Variants in VCAN observed in about 807,000 individuals in gnomAD.
VCAN encodes the protein versican core protein.
Under a neutral mutation model 245.5 loss-of-function variants are expected in VCAN, and 44 were observed. The observed-to-expected ratio is 0.18, with a 90% CI of 0.14 to 0.23. The LOEUF (loss-of-function observed/expected upper bound fraction) is 0.23. VCAN is among the 10% of genes least tolerant of loss of function. The pLI, the probability that VCAN is intolerant of heterozygous loss-of-function variation, is 1.00. For synonymous variants in VCAN, 1,413 were observed against 1,437.0 expected, an observed-to-expected ratio of 0.98 and a Z score of 0.38; for missense variants, 3,793 against 4,057.9, an observed-to-expected ratio of 0.93 and a Z score of 1.77.
At chr5:83,524,058 A>G (rs1348595301) in intron 7 of VCAN, among the ~76,000 whole-genome samples, 2 of 152,216 alleles carry the variant, frequency 1.3e-5, no homozygotes, top group East Asian at 3.9e-4. Flanking sequence ...TATAAAACCC[A>G]GTAAAAATGT....
At chr5:83,484,001 C>G (rs1029667438) in intron 2 of VCAN, among the ~76,000 whole-genome samples, 1 of 152,244 alleles carries the variant, frequency 6.6e-6, no homozygotes, top group East Asian at 1.9e-4. Context: ...TGTTTTTGCC[C>G]TTAGTTCCTT....
chr5:83,561,877 A>G (rs1747880211), intron 12 of VCAN, among the ~76,000 whole-genome samples: 1 of 152,176 alleles, frequency 6.6e-6, no homozygotes, highest in South Asian at 2.1e-4. Context: ...GATGTCTTGG[A>G]CATTGAAAAG....
intron 12 of VCAN, among the ~76,000 whole-genome samples, chr5:83,556,171 A>G (rs954876839): frequency 2.0e-5 from 3 of 152,168 alleles, no homozygotes; most frequent in African/African-American, 4.8e-5. Context: ...ATTCCCCACA[A>G]TAACTTTTAA....
chr5:83,478,629 G>A (rs1398769826), intron 1 of VCAN, among the ~76,000 whole-genome samples: 2 of 152,108 alleles, frequency 1.3e-5, no homozygotes, highest in East Asian at 3.9e-4. Flanking sequence ...AAATAACATG[G>A]AAAAATTGTA....
intron 5 of VCAN, 106 bp downstream of exon 5, chr5:83,494,037 C>A: frequency 6.4e-7 from 1 of 1,572,234 alleles, no homozygotes; most frequent in Admixed American, 1.7e-5. Flanking sequence ...GGATTCCAAA[C>A]GGTGGCATTT....
intron 13 of VCAN, among the ~76,000 whole-genome samples, chr5:83,578,303 G>A (rs1748549880): frequency 6.6e-6 from 1 of 152,006 alleles, no homozygotes; most frequent in Non-Finnish European, 1.5e-5. Flanking sequence ...GACACAAAGA[G>A]GGGAAAAACA....
intron 1 of VCAN, among the ~76,000 whole-genome samples, chr5:83,474,555 G>A (rs1265706073): frequency 6.6e-6 from 1 of 152,202 alleles, no homozygotes; most frequent in Non-Finnish European, 1.5e-5. Context: ...CCCGCAACGG[G>A]CGCTCCCCGC....
In VCAN at chr5:83,519,783, A is replaced by G. The variant is rs770106711; in HGVS notation, c.1477A>G (p.Ile493Val). 6.2e-7 allele frequency: 1 copy of G among 1,614,084 alleles called. No individual in the cohort carries two copies. The highest frequency in any genetic ancestry group is 1.3e-5 in the African/African-American group (1 of 74,942). Residue 493 changes from isoleucine (I) to valine (V), a missense_variant, in exon 7 of 15, where the codon ATA (isoleucine) becomes GTA (valine). Around this residue, in one of 5 missense-constraint regions of VCAN, gnomAD observed 3,182 missense variants for 3,250.3 expected, o/e 0.98. Coordinates refer to ENST00000265077, the MANE Select transcript of VCAN (RefSeq NM_004385.5). The part of the protein sequence containing the change: ...TQESVTQIEQ[I>V]EVGPLVTSME... Reference sequence around the variant, plus strand: ...AGAATCGGTTACACAGATTGAACAAATAGAAGTGGGTCCTTTGGTAACATC... The same window carrying G: ...AGAATCGGTTACACAGATTGAACAAGTAGAAGTGGGTCCTTTGGTAACATC...
chr5:83,558,156 G>A (rs1193450343), intron 12 of VCAN, among the ~76,000 whole-genome samples: 2 of 152,068 alleles, frequency 1.3e-5, no homozygotes, highest in Non-Finnish European at 2.9e-5. Flanking sequence ...CAGCCTAGGT[G>A]TCCCTTAAAC....
At chr5:83,572,861 T>TTTTATTTATTTA (rs138181383) in intron 13 of VCAN, among the ~76,000 whole-genome samples, 3 of 142,918 alleles carry the variant, frequency 2.1e-5, no homozygotes, top group Non-Finnish European at 1.5e-5. Context: ...ACCTTTTTAT[T>TTTTATTTATTTA]TTTATTTATT....
At chr5:83,514,378 A>G (rs1313504912) in intron 6 of VCAN, among the ~76,000 whole-genome samples, 1 of 152,044 alleles carries the variant, frequency 6.6e-6, no homozygotes, top group Admixed American at 6.5e-5. Context: ...CATAATGCCA[A>G]TAGTTTTCCA....
At position 83,513,147 on chromosome 5, in the gene VCAN, T is replaced by C. The variant is rs182846202; in HGVS notation, c.1042+751T>C. Among the ~76,000 whole-genome samples, 46 of 152,322 alleles carry C rather than the reference T, an allele frequency of 3.0e-4. No homozygotes were observed. In the East Asian group the frequency reaches 8.9e-3, roughly 29 times the overall value. ...GTAGTAGTCACATGATATAGTATCA[T>C]AGTTGTAGAATGCAAATTAAACAAG... On this transcript the variant is annotated intron_variant, in intron 6 of 14. Transcript: ENST00000265077.
At position 83,537,449 on chromosome 5, in the gene VCAN, G is replaced by A; in HGVS notation, c.4446G>A (p.Lys1482=). The change falls in exon 8 of 15, where the codon AAG becomes AAA. Residue 1482 remains lysine (K), a synonymous_variant. Transcript: ENST00000265077. ...CTGAGTCTCTTGAAGTTACATGGAA[G>A]CCTGAGACTTACCCTGAAACATCAG... The part of the protein sequence containing the change: ...ETTESLEVTW[K]PETYPETSEH... 1.9e-6 allele frequency: 3 copies of A among 1,613,968 alleles called. No individual in the cohort carries two copies. In the South Asian group the frequency reaches 3.3e-5, roughly 18 times the overall value.
intron 12 of VCAN, among the ~76,000 whole-genome samples, chr5:83,563,850 A>G (rs1006026356): frequency 6.6e-6 from 1 of 152,030 alleles, no homozygotes; most frequent in South Asian, 2.1e-4. Context: ...CGCTGCAGAC[A>G]TTGCATTTGT....
At position 83,540,649 on chromosome 5, in the gene VCAN, A is replaced by G; in HGVS notation, c.7646A>G (p.Lys2549Arg). 2.5e-6 allele frequency: 4 copies of G among 1,613,928 alleles called. No individual in the cohort carries two copies. Among genetic ancestry groups the G allele is most frequent in the Non-Finnish European group, 2.5e-6 (3 of 1,179,966 alleles). Residue 2549 changes from lysine (K) to arginine (R), a missense_variant, in exon 8 of 15, where the codon AAA becomes AGA. This residue lies in a region of VCAN where 3,182 missense variants were observed against 3,250.3 expected (regional missense o/e 0.98). Transcript: ENST00000265077. The stretch of plus-strand genomic sequence containing the variant: ...GAAAATATTATCATAGACCTGGACA[A>G]AGAGGACAAGGATTTAATATTGACA... Reference protein sequence around the residue: ...PTENIIIDLDKEDKDLILTIT... With the variant: ...PTENIIIDLDREDKDLILTIT...
intron 6 of VCAN, among the ~76,000 whole-genome samples, chr5:83,515,941 A>G (rs1212441685): frequency 2.0e-5 from 3 of 152,236 alleles, no homozygotes; most frequent in Non-Finnish European, 4.4e-5. Flanking sequence ...TTAAAAAGAT[A>G]GTTTGAATTG....
chr5:83,519,250 A>G, intron 6 of VCAN, 99 bp from the exon 7 acceptor site: 1 of 1,291,188 alleles, frequency 7.7e-7, no homozygotes, highest in Non-Finnish European at 1.1e-6. Context: ...CCACCCAAAA[A>G]TACTCCCTAC....
chr5:83,509,639 A>C (rs1745592701), intron 5 of VCAN, among the ~76,000 whole-genome samples: 1 of 152,252 alleles, frequency 6.6e-6, no homozygotes, highest in African/African-American at 2.4e-5. Flanking sequence ...GAAATGCAGG[A>C]AACTAAGGCA....
At chr5:83,576,268 A>G (rs548525468) in intron 13 of VCAN, among the ~76,000 whole-genome samples, 1 of 152,254 alleles carries the variant, frequency 6.6e-6, no homozygotes, top group African/African-American at 2.4e-5. Flanking sequence ...TCACTAAACA[A>G]TAAATTATTT....
Sources: allele counts gnomAD v4.1 joint callset (sites outside exome capture counted in the v4.1 genomes callset), GRCh38; gene constraint gnomAD v4.1.1; regional missense constraint gnomAD v4.1.1; transcripts MANE v1.5; gene names NCBI Gene and HGNC (gene_info 2026-07-23, HGNC 2026-07-21).